EMC7: variants seen among roughly 807,000 people sequenced by gnomAD.
The protein encoded by EMC7 is endoplasmic reticulum membrane protein complex subunit 7.
In EMC7, 4 loss-of-function variants were observed where a neutral mutation model predicts 24.4. That is an observed-to-expected ratio of 0.16 (90% CI 0.08 to 0.38). The LOEUF (loss-of-function observed/expected upper bound fraction) is 0.38, where lower values mean the gene tolerates loss of function less well. Ranked by LOEUF, EMC7 falls within the 10% of genes least tolerant of loss-of-function variation. EMC7 has a pLI of 1.00. For synonymous variants in EMC7, 106 were observed against 112.0 expected, an observed-to-expected ratio of 0.95 and a Z score of 0.34; for missense variants, 221 against 300.6, an observed-to-expected ratio of 0.74 and a Z score of 1.96.
chr15:34,095,776 G>C, intron 2 of EMC7, 119 bp downstream of exon 2: 2 of 956,502 alleles, frequency 2.1e-6, no homozygotes, highest in South Asian at 6.2e-5. Context: ...AGTGTTTTAA[G>C]GAATAGCTGT....
Position 34,091,342 on chromosome 15 carries a change from A to G in EMC7, c.357-887T>C, listed in dbSNP as rs573731479. ...GAGGTCTGATTTATTTGCTGACTCA[A>G]TGTAGACTGTTTTCTTGGGTTCTTT... On this transcript the variant is annotated intron_variant, in intron 2 of 4. Transcript: ENST00000256545. 3.9e-5 allele frequency among the ~76,000 whole-genome samples: 6 copies of G among 152,296 alleles called. No homozygotes were observed. The South Asian group carries it at 1.2e-3, about 32-fold the overall frequency.
intron 4 of EMC7, among the ~76,000 whole-genome samples, chr15:34,084,948 C>A (rs1900853978): frequency 6.7e-6 from 1 of 149,796 alleles, no homozygotes; most frequent in Non-Finnish European, 1.5e-5. Flanking sequence ...TCGTGTGATT[C>A]TGCTTGTCTT....
At chr15:34,091,405 A>C (rs1900971688) in intron 2 of EMC7, among the ~76,000 whole-genome samples, 1 of 152,202 alleles carries the variant, frequency 6.6e-6, no homozygotes, top group Non-Finnish European at 1.5e-5. Flanking sequence ...TATTTAAGTA[A>C]AGAGATACAA....
chr15:34,085,886 A>G (rs1900876052), intron 4 of EMC7: 1 of 150,298 alleles, frequency 6.7e-6, no homozygotes, highest in Non-Finnish European at 1.5e-5. Context: ...TTAAACACAA[A>G]TAAAACATGC....
In EMC7 at chr15:34,097,324, C is replaced by T. The variant is rs561844578; in HGVS notation, c.237-1310G>A. 2.0e-5 allele frequency among the ~76,000 whole-genome samples: 3 copies of T among 152,214 alleles called. No individual in the cohort carries two copies. The South Asian group carries it at 6.2e-4, about 32-fold the overall frequency. On this transcript the variant is annotated intron_variant, in intron 1 of 4. Transcript: ENST00000256545. ...CTGGGATTACAGGCGTGAGCCACTG[C>T]GCCTGGCCGGTTTTCTGTTCTTTTT...
Position 34,084,196 on chromosome 15 carries a change from A to C in EMC7, c.*138T>G, listed in dbSNP as rs554598808. The C allele has an allele frequency of 9.1e-7, 1 of 1,104,444 alleles. No individual in the cohort carries two copies. The highest frequency in any genetic ancestry group is 1.8e-5 in the South Asian group (1 of 54,986). The allele number at this position is 1,104,444 out of a possible 1,614,324, so 68.4% of individuals were successfully genotyped here. A position where few individuals can be genotyped will look rare whatever the true frequency, so the allele number is the denominator to read the frequency against. On this transcript the variant is annotated 3_prime_UTR_variant, in exon 5 of 5. Transcript: ENST00000256545. ...GTACCAAGTACAAAACATGTGCTAA[A>C]AAGTTAACATACACAGTTGTAAGAG...
chr15:34,084,629 A>C (rs964110952), intron 4 of EMC7, 143 bp from the exon 5 acceptor site: 1 of 765,334 alleles, frequency 1.3e-6, no homozygotes, highest in Non-Finnish European at 2.0e-6. Flanking sequence ...ACTCAGTAGT[A>C]CTTCACCTAT....
At position 34,101,588 on chromosome 15, in the gene EMC7, C is replaced by A. The variant is rs1727151863; in HGVS notation, c.236+16G>T. 6.2e-7 allele frequency: 1 copy of A among 1,612,402 alleles called. No individual in the cohort carries two copies. The highest frequency in any genetic ancestry group is 1.3e-5 in the African/African-American group (1 of 75,024). On this transcript the variant is annotated intron_variant, in intron 1 of 4. Coordinates refer to ENST00000256545, the MANE Select transcript of EMC7 (RefSeq NM_020154.3). ...CTCCATCCCAGCCTTTTTCCCGCTGCCCTCAGGATGCTCACTTAAGGAAAC... is the reference window on the plus strand; with the variant it reads ...CTCCATCCCAGCCTTTTTCCCGCTGACCTCAGGATGCTCACTTAAGGAAAC...
chr15:34,089,290 G>A (rs1900941022), intron 3 of EMC7, among the ~76,000 whole-genome samples: 1 of 152,148 alleles, frequency 6.6e-6, no homozygotes, highest in Non-Finnish European at 1.5e-5. Flanking sequence ...CAATCAAAGA[G>A]TGGAATTGGT....
rs1239006553 is a variant in EMC7 at position 34,084,124 on chromosome 15, C to G, written c.*210G>C. ...GACACTGTAATTAATTCAGTGACATCAATATTGACCTCATACAGACAAAAG... is the reference window on the plus strand; with the variant it reads ...GACACTGTAATTAATTCAGTGACATGAATATTGACCTCATACAGACAAAAG... On this transcript the variant is annotated 3_prime_UTR_variant, in exon 5 of 5. Coordinates refer to ENST00000256545, the MANE Select transcript of EMC7 (RefSeq NM_020154.3). 707 of 487,870 alleles carry G rather than the reference C, an allele frequency of 1.4e-3. 6 individuals are homozygous for G. The highest frequency in any genetic ancestry group is 0.012 in the African/African-American group (642 of 51,538). 30.2% of individuals were successfully genotyped at this position (487,870 alleles called of 1,614,324 possible). A position where few individuals can be genotyped will look rare whatever the true frequency, so the allele number is the denominator to read the frequency against.
At chr15:34,096,288 A>T (rs761935378) in intron 1 of EMC7, among the ~76,000 whole-genome samples, 3 of 152,180 alleles carry the variant, frequency 2.0e-5, no homozygotes, top group Non-Finnish European at 4.4e-5. Flanking sequence ...CTCCTGCCTC[A>T]GCCTCCCGAG....
intron 4 of EMC7, among the ~76,000 whole-genome samples, chr15:34,087,588 T>A (rs1900909336): frequency 6.6e-6 from 1 of 152,180 alleles, no homozygotes; most frequent in African/African-American, 2.4e-5. Context: ...AGATTCAGCA[T>A]ACCAGAAGTA....
intron 1 of EMC7, among the ~76,000 whole-genome samples, chr15:34,097,475 T>A (rs1901095369): frequency 6.6e-6 from 1 of 152,210 alleles, no homozygotes; most frequent in Non-Finnish European, 1.5e-5. Context: ...CCTTACTGAT[T>A]TCTTCTAAAC....
Position 34,087,947 on chromosome 15 carries a change from G to A in EMC7, c.576+106C>T, listed in dbSNP as rs923860666. On this transcript the variant is annotated intron_variant, in intron 4 of 4. Transcript: ENST00000256545. ...GAGGCAGGTGGATAGCTTGAGCCCA[G>A]GAGTTTGAGGCCACTCAAACTGATT... The A allele has an allele frequency of 1.1e-4, 101 of 924,806 alleles. No homozygotes were observed. In the South Asian group the frequency reaches 1.6e-3, roughly 15 times the overall value. 57.3% of individuals were successfully genotyped at this position (924,806 alleles called of 1,614,324 possible).
chr15:34,086,185 T>C, intron 4 of EMC7: 1 of 400,374 alleles, frequency 2.5e-6, no homozygotes. Context: ...CTACGAACAC[T>C]GTTGTCAACA....
Position 34,095,929 on chromosome 15 carries a change from C to T in EMC7, c.322G>A (p.Val108Ile). Residue 108 changes from valine (V) to isoleucine (I), a missense_variant, in exon 2 of 5, where the codon GTT becomes ATT. Around this residue, in one of 2 missense-constraint regions of EMC7, gnomAD observed 156 missense variants for 177.1 expected, o/e 0.88. Transcript: ENST00000256545. The stretch of plus-strand genomic sequence containing the variant: ...CCTTTCGAAGTGATATCCACTCGAA[C>T]GGGATCAAATCTGTAAGCTGGAGAT... ...VVSPAYRFDP[V>I]RVDITSKGKM... 6.2e-7 allele frequency: 1 copy of T among 1,610,000 alleles called. No individual in the cohort carries two copies. Among genetic ancestry groups the T allele is most frequent in the Non-Finnish European group, 8.5e-7 (1 of 1,177,104 alleles).
intron 4 of EMC7, among the ~76,000 whole-genome samples, chr15:34,085,185 G>A (rs942244988): frequency 6.6e-6 from 1 of 152,064 alleles, no homozygotes; most frequent in African/African-American, 2.4e-5. Context: ...ATAAGCCTCA[G>A]TAGTAAATCT....
At chr15:34,093,823 A>ATTTTTTTTT (rs753095506) in intron 2 of EMC7, among the ~76,000 whole-genome samples, 43 of 48,694 alleles carry the variant, frequency 8.8e-4, no homozygotes, top group African/African-American at 4.0e-3. Flanking sequence ...ATATATATAT[A>ATTTTTTTTT]TTTTTTTTTT....
intron 2 of EMC7, among the ~76,000 whole-genome samples, chr15:34,093,823 ATTTTT>A (rs753095506): frequency 0.035 from 1,686 of 48,778 alleles, 147 homozygotes; most frequent in African/African-American, 0.17. Context: ...ATATATATAT[ATTTTT>A]TTTTTTTTTT....
Sources: gnomAD v4.1 joint callset for allele counts (sites outside exome capture counted in the v4.1 genomes callset) on GRCh38, gnomAD v4.1.1 for gene constraint, gnomAD v4.1.1 regional missense constraint, MANE v1.5 for transcripts, NCBI Gene and HGNC (gene_info 2026-07-23, HGNC 2026-07-21) for gene names.